NEXN: variants seen among roughly 807,000 people sequenced by gnomAD.
NEXN encodes nexilin.
NEXN carries 65 observed loss-of-function variants against 92.6 expected under a neutral mutation model. The ratio of observed to expected loss-of-function variants is 0.70; its 90% CI spans 0.57 to 0.86. NEXN has a LOEUF of 0.86. Among genes scored for constraint, NEXN ranks in the 40% least tolerant of loss-of-function variants. The pLI is 0.00. For synonymous variants in NEXN, 254 were observed against 242.5 expected, an observed-to-expected ratio of 1.05 and a Z score of -0.44; for missense variants, 778 against 771.1, an observed-to-expected ratio of 1.01 and a Z score of -0.11.
intron 1 of NEXN, among the ~76,000 whole-genome samples, chr1:77,915,525 A>G (rs556332468): frequency 2.6e-5 from 4 of 152,192 alleles, no homozygotes; most frequent in Non-Finnish European, 5.9e-5. Context: ...GCTACTCGGG[A>G]GGCTGAAGTG....
At chr1:77,924,063 C>G (rs1649653876) in intron 5 of NEXN, 1 of 152,430 alleles carries the variant, frequency 6.6e-6, no homozygotes, top group African/African-American at 2.4e-5. Flanking sequence ...ATTTTCCCTT[C>G]TAAACTATTC....
chr1:77,890,599 G>C (rs1647083335), intron 1 of NEXN, among the ~76,000 whole-genome samples: 1 of 151,994 alleles, frequency 6.6e-6, no homozygotes, highest in African/African-American at 2.4e-5. Flanking sequence ...TTAGGTTAGG[G>C]TTTCATTTTT....
chr1:77,923,744 C>T (rs1055303010), intron 5 of NEXN, among the ~76,000 whole-genome samples: 1 of 133,288 alleles, frequency 7.5e-6, no homozygotes, highest in Admixed American at 8.8e-5. Context: ...GTGGTGTGAT[C>T]TCAGCTCAAT....
Sources: allele counts gnomAD v4.1 joint callset (sites outside exome capture counted in the v4.1 genomes callset), GRCh38; gene constraint gnomAD v4.1.1; transcripts MANE v1.5; gene names NCBI Gene and HGNC (gene_info 2026-07-23, HGNC 2026-07-21).